EDA: variants seen among roughly 807,000 people sequenced by gnomAD.
The protein encoded by EDA is ectodysplasin-A.
A neutral mutation model predicts 23.6 loss-of-function variants in EDA; 2 were observed. The observed-to-expected ratio is 0.08, with a 90% CI of 0.03 to 0.27. The LOEUF (loss-of-function observed/expected upper bound fraction) is 0.27, where lower values mean the gene tolerates loss of function less well. Ranked by LOEUF, EDA falls within the 10% of genes least tolerant of loss-of-function variation. The pLI is 1.00. For synonymous variants in EDA, 131 were observed against 132.0 expected (o/e 0.99, Z 0.05); for missense variants, 229 against 324.2 (o/e 0.71, Z 2.26).
intron 1 of EDA, among the ~76,000 whole-genome samples, chrX:69,696,914 G>A (rs2011366212): frequency 8.9e-6 from 1 of 112,230 alleles, no homozygotes; most frequent in Admixed American, 9.4e-5. Context: ...AAATGACCTA[G>A]ACATTTCATG....
intron 1 of EDA, among the ~76,000 whole-genome samples, chrX:69,808,322 A>G (rs929575442): frequency 2.7e-5 from 3 of 111,989 alleles, no homozygotes; most frequent in Non-Finnish European, 5.6e-5. Flanking sequence ...GAAGGTTCCA[A>G]TCATGAAGCT....
In EDA at chrX:69,759,822, AG is replaced by A. The variant is rs968839157; in HGVS notation, c.396+143120del. ...CTTTTGGGACTGGGGAATAAGGATA[AG>A]GAAGGAGAGGGCTGGATAGTGTGTC... On this transcript the variant is annotated intron_variant, in intron 1 of 7. Coordinates refer to ENST00000374552, the MANE Select transcript of EDA (RefSeq NM_001399.5). Among the ~76,000 whole-genome samples the A allele has an allele frequency of 4.5e-5, 5 of 110,051 alleles. No individual in the cohort carries two copies. The Admixed American group carries it at 4.9e-4, about 11-fold the overall frequency.
intron 1 of EDA, among the ~76,000 whole-genome samples, chrX:69,920,700 AT>A (rs2018417510): frequency 9.0e-6 from 1 of 110,930 alleles, no homozygotes. Context: ...GAAAAAAAAA[AT>A]TTTAAGTACA....
At position 69,630,130 on chromosome X, in the gene EDA, C is replaced by T. The variant is rs141575562; in HGVS notation, c.396+13426C>T. On this transcript the variant is annotated intron_variant, in intron 1 of 7. Transcript: ENST00000374552. ...AATAATAAAGGTTTAGGGAAAAGCCCAGGTTGTGGTTATGTACGTGTCTGT... is the reference window on the plus strand; with the variant it reads ...AATAATAAAGGTTTAGGGAAAAGCCTAGGTTGTGGTTATGTACGTGTCTGT... Among the ~76,000 whole-genome samples, 42 of 111,218 alleles carry T rather than the reference C, an allele frequency of 3.8e-4. 1 individual carries two copies. In the East Asian group the frequency reaches 0.011, roughly 29 times the overall value.
intron 2 of EDA, among the ~76,000 whole-genome samples, chrX:69,981,290 A>G (rs2019403064): frequency 9.0e-6 from 1 of 111,596 alleles, no homozygotes; most frequent in Non-Finnish European, 1.9e-5. Context: ...ACACTCCTGT[A>G]CCACAAAAGC....
intron 1 of EDA, among the ~76,000 whole-genome samples, chrX:69,815,475 A>T (rs774266686): frequency 9.2e-6 from 1 of 108,425 alleles, no homozygotes; most frequent in South Asian, 4.0e-4. Flanking sequence ...AGTTGGGTAG[A>T]CTCAGCCGTT....
intron 2 of EDA, among the ~76,000 whole-genome samples, chrX:69,976,329 G>A (rs1569391190): frequency 9.0e-6 from 1 of 110,924 alleles, no homozygotes. Context: ...GAGAGGCAAC[G>A]GAAGATCATG....
intron 5 of EDA, among the ~76,000 whole-genome samples, chrX:70,030,172 T>C (rs920635174): frequency 2.7e-5 from 3 of 112,313 alleles, no homozygotes; most frequent in African/African-American, 9.7e-5. Flanking sequence ...CCTCATTTGA[T>C]CTTCAGACAT....
intron 1 of EDA, among the ~76,000 whole-genome samples, chrX:69,939,979 T>A (rs1263006052): frequency 8.9e-6 from 1 of 111,769 alleles, no homozygotes; most frequent in Non-Finnish European, 1.9e-5. Flanking sequence ...TGTCGTTGAA[T>A]TCAGTTTGCT....
At chrX:69,716,516 ATT>A (rs372180676) in intron 1 of EDA, among the ~76,000 whole-genome samples, 2 of 96,887 alleles carry the variant, frequency 2.1e-5, no homozygotes, top group African/African-American at 7.4e-5. Flanking sequence ...CCTTCAGCTT[ATT>A]TTTTTTTTTT....
intron 1 of EDA, among the ~76,000 whole-genome samples, chrX:69,852,578 G>A (rs1361656982): frequency 1.8e-5 from 2 of 111,394 alleles, no homozygotes; most frequent in Admixed American, 9.6e-5. Flanking sequence ...GTTTTAATGG[G>A]CCACTCAAGT....
chrX:69,969,792 A>G (rs181267932), intron 2 of EDA, among the ~76,000 whole-genome samples: 3 of 111,500 alleles, frequency 2.7e-5, no homozygotes, highest in East Asian at 5.7e-4. Flanking sequence ...TACATGGGTG[A>G]AATACACACA....
chrX:69,976,421 T>C (rs2019318628), intron 2 of EDA, among the ~76,000 whole-genome samples: 1 of 111,594 alleles, frequency 9.0e-6, no homozygotes, highest in African/African-American at 3.3e-5. Flanking sequence ...AGCTGGAGTT[T>C]GGAATTTTTT....
At chrX:69,649,585 C>T (rs1027152233) in intron 1 of EDA, among the ~76,000 whole-genome samples, 3 of 100,828 alleles carry the variant, frequency 3.0e-5, no homozygotes, top group African/African-American at 1.1e-4. Flanking sequence ...ATGTGAAATA[C>T]AGTCTTTTTT....
intron 1 of EDA, among the ~76,000 whole-genome samples, chrX:69,941,002 A>G (rs775538692): frequency 8.1e-5 from 9 of 111,073 alleles, no homozygotes; most frequent in Non-Finnish European, 1.5e-4. Flanking sequence ...AAATTTTTTA[A>G]TTTCCTTCTT....
intron 1 of EDA, among the ~76,000 whole-genome samples, chrX:69,776,481 G>C (rs1482140536): frequency 9.0e-6 from 1 of 111,667 alleles, no homozygotes. Context: ...CACGATGTAA[G>C]ACATGCCTTT....
chrX:69,987,603 G>A (rs909550332), intron 2 of EDA, among the ~76,000 whole-genome samples: 7 of 89,096 alleles, frequency 7.9e-5, no homozygotes, highest in Non-Finnish European at 1.2e-4. Flanking sequence ...TCTAAGAAAA[G>A]CCTGTTTCCT....
intron 2 of EDA, among the ~76,000 whole-genome samples, chrX:69,960,489 C>T (rs1004124431): frequency 1.8e-5 from 2 of 110,550 alleles, no homozygotes; most frequent in Admixed American, 1.9e-4. Context: ...ATTAAACAGC[C>T]AAGTGGATAT....
intron 1 of EDA, among the ~76,000 whole-genome samples, chrX:69,934,978 C>T (rs1269695673): frequency 9.0e-6 from 1 of 111,373 alleles, no homozygotes; most frequent in African/African-American, 3.3e-5. Flanking sequence ...TGATAACCAT[C>T]ATTCTACTCT....
Sources: allele counts gnomAD v4.1 joint callset (sites outside exome capture counted in the v4.1 genomes callset), GRCh38; gene constraint gnomAD v4.1.1; transcripts MANE v1.5; gene names NCBI Gene and HGNC (gene_info 2026-07-23, HGNC 2026-07-21).